Variants in MROH2B observed in about 807,000 individuals in gnomAD.
The protein encoded by MROH2B is maestro heat like repeat family member 2B, also known as maestro heat-like repeat-containing protein family member 2B.
MROH2B carries 177 observed loss-of-function variants against 208.6 expected under a neutral mutation model. The observed-to-expected ratio is 0.85, with a 90% CI of 0.75 to 0.96. The LOEUF is 0.96. MROH2B is among the 40% of genes least tolerant of loss of function. MROH2B has a pLI of 0.00. For synonymous variants in MROH2B, 728 were observed against 659.0 expected, an observed-to-expected ratio of 1.10 and a Z score of -1.60; for missense variants, 2,002 against 1,878.7, an observed-to-expected ratio of 1.07 and a Z score of -1.21.
chr5:41,040,904 A>T (rs1048364930), intron 19 of MROH2B, among the ~76,000 whole-genome samples: 3 of 152,074 alleles, frequency 2.0e-5, no homozygotes, highest in Admixed American at 2.0e-4. Flanking sequence ...TGACCTCGTG[A>T]TCTGCCTGCC....
intron 29 of MROH2B, among the ~76,000 whole-genome samples, chr5:41,014,499 A>G: frequency 6.6e-6 from 1 of 152,180 alleles, no homozygotes; most frequent in Non-Finnish European, 1.5e-5. Context: ...TGATGAGTTA[A>G]TGGGTGCAGC....
intron 35 of MROH2B, 130 bp downstream of exon 35, chr5:41,005,401 C>T (rs950606869): frequency 2.4e-5 from 14 of 584,304 alleles, no homozygotes; most frequent in African/African-American, 4.0e-5. Flanking sequence ...TAGCTGGTCT[C>T]TCCTCTATGA....
chr5:41,018,824 G>A, intron 25 of MROH2B, 38 bp from the exon 26 acceptor site: 1 of 1,613,300 alleles, frequency 6.2e-7, no homozygotes, highest in Non-Finnish European at 8.5e-7. Flanking sequence ...TCAGGCTGGG[G>A]TGAGAGAGTA....
At chr5:41,027,115 A>G (rs545808922) in intron 24 of MROH2B, among the ~76,000 whole-genome samples, 17 of 152,296 alleles carry the variant, frequency 1.1e-4, no homozygotes, top group African/African-American at 3.4e-4. Context: ...TAACATTCAG[A>G]ACATAGGCAT....
At chr5:41,005,412 A>G in intron 35 of MROH2B, 119 bp downstream of exon 35, 1 of 191,424 alleles carries the variant, frequency 5.2e-6, no homozygotes, top group Non-Finnish European at 1.0e-5. Flanking sequence ...TCCTCTATGA[A>G]ACCCCCCCCC....
chr5:41,031,431 C>T (rs758752105), intron 24 of MROH2B, among the ~76,000 whole-genome samples: 2 of 152,044 alleles, frequency 1.3e-5, no homozygotes, highest in Non-Finnish European at 2.9e-5. Flanking sequence ...GATTACAATT[C>T]GAGATGAGAT....
At chr5:41,020,384 G>A (rs1742105197) in intron 24 of MROH2B, among the ~76,000 whole-genome samples, 1 of 152,018 alleles carries the variant, frequency 6.6e-6, no homozygotes, top group Non-Finnish European at 1.5e-5. Flanking sequence ...TGATTTATTT[G>A]AGCTTTCTAC....
chr5:41,042,753 T>C (rs1228695307), intron 18 of MROH2B, among the ~76,000 whole-genome samples: 2 of 152,062 alleles, frequency 1.3e-5, no homozygotes, highest in East Asian at 3.9e-4. Flanking sequence ...TACAGGTGTG[T>C]GCCACCATGC....
At chr5:41,051,812 A>G (rs1356824797) in intron 12 of MROH2B, among the ~76,000 whole-genome samples, 1 of 152,184 alleles carries the variant, frequency 6.6e-6, no homozygotes, top group African/African-American at 2.4e-5. Context: ...ACATCATTTT[A>G]TGCTATTTTC....
chr5:41,020,813 A>G (rs1742121387), intron 24 of MROH2B, among the ~76,000 whole-genome samples: 1 of 152,226 alleles, frequency 6.6e-6, no homozygotes, highest in Non-Finnish European at 1.5e-5. Flanking sequence ...AATAAATGAC[A>G]TATGTGAAAG....
At chr5:41,055,555 A>G (rs1427754387) in intron 10 of MROH2B, among the ~76,000 whole-genome samples, 187 bp downstream of exon 10, 2 of 152,198 alleles carry the variant, frequency 1.3e-5, no homozygotes, top group Non-Finnish European at 1.5e-5. Flanking sequence ...TTACGAAAGA[A>G]GAGAAGTAAC....
intron 30 of MROH2B, among the ~76,000 whole-genome samples, chr5:41,010,469 G>A (rs1333367469): frequency 6.6e-6 from 1 of 152,168 alleles, no homozygotes; most frequent in Non-Finnish European, 1.5e-5. Context: ...CAACCGACAG[G>A]GGAATCCAGG....
At chr5:41,054,317 G>A (rs1418118972) in intron 11 of MROH2B, among the ~76,000 whole-genome samples, 4 of 152,170 alleles carry the variant, frequency 2.6e-5, no homozygotes, top group Non-Finnish European at 5.9e-5. Flanking sequence ...TGAGCAATCC[G>A]CTATGTGCAT....
At position 41,004,785 on chromosome 5, in the gene MROH2B, C is replaced by A. The variant is rs745955361; in HGVS notation, c.4000G>T (p.Ala1334Ser). 1.9e-5 allele frequency: 30 copies of A among 1,613,402 alleles called. No individual in the cohort carries two copies. Among genetic ancestry groups the A allele is most frequent in the Non-Finnish European group, 2.2e-5 (26 of 1,179,772 alleles). Residue 1334 changes from alanine to serine, a missense_variant, in exon 36 of 42, where the codon GCT becomes TCT. Coordinates refer to ENST00000399564, the MANE Select transcript of MROH2B (RefSeq NM_173489.5). Reference sequence around the variant, plus strand: ...AAAACGCCTTTTACCTTGTGAGGAGCCCCGGATGCTGTGTTGCCGAGCCCT... The same window carrying A: ...AAAACGCCTTTTACCTTGTGAGGAGACCCGGATGCTGTGTTGCCGAGCCCT... ...IRGLGNTASG[A>S]PHKVKKHKQL...
At chr5:41,008,578 G>A (rs1480670743) in intron 33 of MROH2B, 28 bp downstream of exon 33, 3 of 1,609,944 alleles carry the variant, frequency 1.9e-6, no homozygotes, top group Non-Finnish European at 1.7e-6. Flanking sequence ...GGACCACTGT[G>A]GAAGATGCTT....
chr5:41,007,592 C>G, intron 33 of MROH2B, 138 bp from the exon 34 acceptor site: 1 of 781,012 alleles, frequency 1.3e-6, no homozygotes, highest in Non-Finnish European at 1.8e-6. Flanking sequence ...AAACAGGCAG[C>G]CCTATGCTCA....
At chr5:41,032,628 C>A in intron 24 of MROH2B, 114 bp downstream of exon 24, 1 of 816,226 alleles carries the variant, frequency 1.2e-6, no homozygotes, top group Non-Finnish European at 2.0e-6. Flanking sequence ...CATTAATGAA[C>A]TGTGTTCAGT....
At chr5:41,062,648 A>G (rs1401977671) in intron 5 of MROH2B, among the ~76,000 whole-genome samples, 1 of 152,214 alleles carries the variant, frequency 6.6e-6, no homozygotes, top group Non-Finnish European at 1.5e-5. Context: ...GCTAGATGAT[A>G]AAGAAAATTA....
At position 41,000,360 on chromosome 5, in the gene MROH2B, C is replaced by G; in HGVS notation, c.4351-9G>C. On this transcript the variant is annotated splice_polypyrimidine_tract_variant and intron_variant, in intron 38 of 41. Transcript: ENST00000399564. ...AAGACATCACGGCAAGCCTGGAAAA[C>G]AGAGTTTTCTGCATCACAGTCCAGA... 1 of 1,613,030 alleles carries G rather than the reference C, an allele frequency of 6.2e-7. No homozygotes were observed. The highest frequency in any genetic ancestry group is 1.1e-5 in the South Asian group (1 of 90,938).
Sources: allele counts gnomAD v4.1 joint callset (sites outside exome capture counted in the v4.1 genomes callset), GRCh38; gene constraint gnomAD v4.1.1; transcripts MANE v1.5; gene names NCBI Gene and HGNC (gene_info 2026-07-23, HGNC 2026-07-21).